The following MYO5B variants were observed in gnomAD, a reference collection of about 807,000 sequenced individuals.
MYO5B encodes the protein unconventional myosin-Vb.
Under a neutral mutation model 229.3 loss-of-function variants are expected in MYO5B, and 143 were observed. The observed-to-expected ratio is 0.62, with a 90% CI of 0.54 to 0.72. MYO5B has a LOEUF of 0.72. Among genes scored for constraint, MYO5B ranks in the 30% least tolerant of loss-of-function variants. The pLI, the probability that MYO5B is intolerant of heterozygous loss-of-function variation, is 0.00. For missense variants in MYO5B, 2,321 were observed against 2,331.0 expected (o/e 1.00, Z 0.09); for synonymous variants, 918 against 885.2 (o/e 1.04, Z -0.66).
At chr18:49,904,929 G>T (rs909927148) in intron 19 of MYO5B, 101 bp from the exon 20 acceptor site, 2 of 1,412,312 alleles carry the variant, frequency 1.4e-6, no homozygotes, top group Non-Finnish European at 9.7e-7. Flanking sequence ...CTCCCTCTGT[G>T]GCCCTACCTG....
chr18:50,024,643 G>A lies in MYO5B; in HGVS notation c.455+12207C>T, dbSNP rs76188671. 7.1e-3 allele frequency among the ~76,000 whole-genome samples: 1,079 copies of A among 152,254 alleles called. 18 individuals carry two copies. The highest frequency in any genetic ancestry group is 0.043 in the East Asian group (220 of 5,174). ...CTTCCAACATTATCGATCTGTAATAGGGGCAGGAGCCAGGAAGGTTCAAAG... is the reference window on the plus strand; with the variant it reads ...CTTCCAACATTATCGATCTGTAATAAGGGCAGGAGCCAGGAAGGTTCAAAG... On this transcript the variant is annotated intron_variant, in intron 4 of 39. Transcript: ENST00000285039.
intron 1 of MYO5B, among the ~76,000 whole-genome samples, chr18:50,117,047 A>G (rs752861092): frequency 2.6e-5 from 4 of 152,088 alleles, no homozygotes; most frequent in South Asian, 2.1e-4. Context: ...ATAAACATTA[A>G]CCCTATCTTC....
At chr18:50,176,453 G>T (rs1240983313) in intron 1 of MYO5B, among the ~76,000 whole-genome samples, 3 of 152,178 alleles carry the variant, frequency 2.0e-5, no homozygotes, top group Non-Finnish European at 4.4e-5. Flanking sequence ...ACATATAACT[G>T]CATTTCTGAA....
Position 49,839,211 on chromosome 18 carries a change from A to C in MYO5B, c.4785T>G (p.Ser1595Arg), listed in dbSNP as rs1200930854. 1 of 1,614,166 alleles carries C rather than the reference A, an allele frequency of 6.2e-7. No individual in the cohort carries two copies. Among genetic ancestry groups the C allele is most frequent in the Admixed American group, 1.7e-5 (1 of 60,026 alleles). The stretch of plus-strand genomic sequence containing the variant: ...GCTGGTAGATCTGAATGGAAAGGTC[A>C]CTCAGCACCTGACGGTATTCGGTGA... The part of the protein sequence containing the change: ...FDLTEYRQVL[S>R]DLSIQIYQQL... The change falls in exon 36 of 40, where the codon AGT becomes AGG. Residue 1595 changes from serine to arginine, a missense_variant. Physicochemically the swap from Ser to Arg is moderately radical, Grantham distance 110. This residue lies in a region of MYO5B where 2,113 missense variants were observed against 2,044.7 expected (regional missense o/e 1.03). Coordinates refer to ENST00000285039, the MANE Select transcript of MYO5B (RefSeq NM_001080467.3).
At chr18:49,938,744 C>A (rs2025279065) in intron 14 of MYO5B, among the ~76,000 whole-genome samples, 2 of 152,180 alleles carry the variant, frequency 1.3e-5, no homozygotes, top group African/African-American at 4.8e-5. Flanking sequence ...CTCATAGGCA[C>A]AATGCTCACT....
At chr18:49,989,623 C>G (rs2025907957) in intron 7 of MYO5B, among the ~76,000 whole-genome samples, 1 of 152,154 alleles carries the variant, frequency 6.6e-6, no homozygotes, top group South Asian at 2.1e-4. Context: ...GCCAAAGGCT[C>G]CAGACCCAAG....
chr18:49,928,990 TAA>T (rs1255596092), intron 17 of MYO5B, among the ~76,000 whole-genome samples: 1 of 152,158 alleles, frequency 6.6e-6, no homozygotes, highest in East Asian at 1.9e-4. Context: ...TGGTGAGGGA[TAA>T]AAGACTATAC....
At chr18:50,059,656 C>A (rs1024898308) in intron 1 of MYO5B, among the ~76,000 whole-genome samples, 1 of 152,110 alleles carries the variant, frequency 6.6e-6, no homozygotes, top group South Asian at 2.1e-4. Context: ...ATGAAGTGAA[C>A]CCCCTGTTCT....
chr18:50,035,622 T>C (rs2026440084), intron 4 of MYO5B, among the ~76,000 whole-genome samples: 1 of 152,188 alleles, frequency 6.6e-6, no homozygotes, highest in South Asian at 2.1e-4. Context: ...CCACACACCA[T>C]TGGGTAAGAG....
In MYO5B at chr18:49,912,118, GCT is replaced by G. The variant is rs1181972614; in HGVS notation, c.2144_2145del (p.Glu715AlafsTer47). 1 of 1,613,978 alleles carries G rather than the reference GCT, an allele frequency of 6.2e-7. No individual in the cohort carries two copies. The highest frequency in any genetic ancestry group is 1.7e-5 in the Admixed American group (1 of 60,010). On this transcript the variant is annotated frameshift_variant, in exon 18 of 40. Transcript: ENST00000285039. LOFTEE classifies it high-confidence loss of function. ...ATGGCCTTTTTGTCTGTGTTGGCGA[GCT>G]CTCTCTTCTTGACCAGCACCCGATA... ...NRYRVLVKKR[E>X]LANTDKKAIC... is the part of the protein sequence containing the mutation.
chr18:49,928,234 T>C (rs894973657), intron 17 of MYO5B, among the ~76,000 whole-genome samples: 2 of 151,828 alleles, frequency 1.3e-5, no homozygotes, highest in Middle Eastern at 3.4e-3. Flanking sequence ...AATCAAAAAA[T>C]AGATGTTGGC....
chr18:49,979,333 A>G (rs1300439442), intron 9 of MYO5B, among the ~76,000 whole-genome samples: 1 of 152,214 alleles, frequency 6.6e-6, no homozygotes, highest in Non-Finnish European at 1.5e-5. Context: ...CAAGGCTCTC[A>G]CGAGGCTGCA....
At chr18:50,129,786 T>C (rs1413987122) in intron 1 of MYO5B, among the ~76,000 whole-genome samples, 1 of 152,102 alleles carries the variant, frequency 6.6e-6, no homozygotes, top group Non-Finnish European at 1.5e-5. Context: ...CCTCTATACC[T>C]TGCATCTCTA....
At chr18:49,989,832 G>A (rs879442897) in intron 7 of MYO5B, among the ~76,000 whole-genome samples, 1 of 152,216 alleles carries the variant, frequency 6.6e-6, no homozygotes, top group East Asian at 1.9e-4. Flanking sequence ...GAGGCAGTTT[G>A]GGTTGCTCCA....
chr18:49,871,072 G>A (rs1344910112), intron 27 of MYO5B, among the ~76,000 whole-genome samples: 1 of 152,222 alleles, frequency 6.6e-6, no homozygotes, highest in African/African-American at 2.4e-5. Context: ...TAAGCAAAGT[G>A]TGATCCCTAT....
chr18:50,089,454 G>T (rs1203024161), intron 1 of MYO5B, among the ~76,000 whole-genome samples: 1 of 151,878 alleles, frequency 6.6e-6, no homozygotes, highest in Non-Finnish European at 1.5e-5. Flanking sequence ...GATTCCCTCT[G>T]AAGCCAAGTG....
intron 2 of MYO5B, among the ~76,000 whole-genome samples, chr18:50,051,005 A>G (rs2030376204): frequency 6.6e-6 from 1 of 152,224 alleles, no homozygotes; most frequent in Non-Finnish European, 1.5e-5. Context: ...AATGCTTTGC[A>G]ATACTGAACA....
chr18:50,006,888 C>A (rs571011948), intron 4 of MYO5B, among the ~76,000 whole-genome samples: 2 of 152,174 alleles, frequency 1.3e-5, no homozygotes, highest in African/African-American at 4.8e-5. Context: ...TCCTGAGGAG[C>A]ATAATTTGTC....
chr18:50,151,945 A>C (rs941519768), intron 1 of MYO5B, among the ~76,000 whole-genome samples: 1 of 152,220 alleles, frequency 6.6e-6, no homozygotes, highest in Non-Finnish European at 1.5e-5. Flanking sequence ...CCTGCAGCCC[A>C]GAGAGCCTAC....
Sources: allele counts gnomAD v4.1 joint callset (sites outside exome capture counted in the v4.1 genomes callset), GRCh38; gene constraint gnomAD v4.1.1; regional missense constraint gnomAD v4.1.1; transcripts MANE v1.5; gene names NCBI Gene and HGNC (gene_info 2026-07-23, HGNC 2026-07-21).